AKAP6: variants seen among roughly 807,000 people sequenced by gnomAD.
AKAP6 encodes the protein A-kinase anchor protein 6.
Under a neutral mutation model 188.5 loss-of-function variants are expected in AKAP6, and 58 were observed. The observed-to-expected ratio is 0.31, with a 90% CI of 0.25 to 0.38. AKAP6 has a LOEUF of 0.38. AKAP6 is among the 10% of genes least tolerant of loss of function. The probability of loss-of-function intolerance (pLI) is 1.00; values close to 1 mark genes in which losing one functional copy is unlikely to be tolerated. For synonymous variants in AKAP6, 989 were observed against 998.6 expected, an observed-to-expected ratio of 0.99 and a Z score of 0.18; for missense variants, 2,710 against 2,740.0, an observed-to-expected ratio of 0.99 and a Z score of 0.24.
At position 32,546,086 on chromosome 14, in the gene AKAP6, T is replaced by C. The variant is rs767331736; in HGVS notation, c.1433T>C (p.Ile478Thr). ...ACAGTCAAATTTCACATTAAAGAAA[T>C]TTCTTCCAGCCTGGGAAGGCTTAAC... ...ENTVKFHIKEISSSLGRLNDC... is the reference protein window; with the variant it reads ...ENTVKFHIKETSSSLGRLNDC... The change falls in exon 4 of 14, where the codon ATT becomes ACT. Residue 478 changes from isoleucine (I) to threonine (T), a missense_variant. By Grantham distance (89) the Ile-to-Thr change is moderately conservative. Coordinates refer to ENST00000280979, the MANE Select transcript of AKAP6 (RefSeq NM_004274.5). The C allele has an allele frequency of 1.9e-6, 3 of 1,614,080 alleles. No individual in the cohort carries two copies. The highest frequency in any genetic ancestry group is 1.1e-5 in the South Asian group (1 of 91,084).
chr14:32,480,484 G>T (rs1402134293), intron 2 of AKAP6, among the ~76,000 whole-genome samples: 1 of 152,168 alleles, frequency 6.6e-6, no homozygotes, highest in Non-Finnish European at 1.5e-5. Flanking sequence ...TTCATGGTCA[G>T]TTATGTGCTC....
intron 2 of AKAP6, among the ~76,000 whole-genome samples, chr14:32,502,363 A>G (rs1880648933): frequency 6.6e-6 from 1 of 152,146 alleles, no homozygotes; most frequent in Admixed American, 6.6e-5. Flanking sequence ...GTGTCCATCA[A>G]GAGCAGCTTT....
intron 7 of AKAP6, among the ~76,000 whole-genome samples, chr14:32,653,703 A>G (rs575168378): frequency 6.6e-6 from 1 of 152,340 alleles, no homozygotes; most frequent in African/African-American, 2.4e-5. Context: ...TAAAAAGGGA[A>G]TAATAATAAT....
At chr14:32,820,116 C>G (rs2034481644) in intron 12 of AKAP6, among the ~76,000 whole-genome samples, 1 of 152,080 alleles carries the variant, frequency 6.6e-6, no homozygotes, top group African/African-American at 2.4e-5. Context: ...TATTAAGCAG[C>G]TTGTCCAAGG....
In AKAP6 at chr14:32,735,668, G is replaced by T. The variant is rs1269397571; in HGVS notation, c.3158G>T (p.Gly1053Val). 8.2e-6 allele frequency: 13 copies of T among 1,589,596 alleles called. No homozygotes were observed. The highest frequency in any genetic ancestry group is 1.1e-5 in the Non-Finnish European group (13 of 1,171,320). Residue 1053 changes from glycine to valine, a missense_variant, in exon 11 of 14, where the codon GGA becomes GTA. This residue lies in a region of AKAP6 where 2,473 missense variants were observed against 2,426.1 expected (regional missense o/e 1.02). Transcript: ENST00000280979. ...EKWELLGKTL[G>V]EKIQDTMAGH... is the part of the protein sequence containing the mutation. ...AATCTGATGCATTAGAAAACCCTAGGAGAGAAGATCCAGGACACAATGGCA... is the reference window on the plus strand; with the variant it reads ...AATCTGATGCATTAGAAAACCCTAGTAGAGAAGATCCAGGACACAATGGCA...
chr14:32,392,370 T>A (rs1412261069), intron 1 of AKAP6, among the ~76,000 whole-genome samples: 2 of 152,104 alleles, frequency 1.3e-5, no homozygotes, highest in African/African-American at 4.8e-5. Flanking sequence ...ATGACCTCTG[T>A]GATGGATTAG....
intron 9 of AKAP6, among the ~76,000 whole-genome samples, chr14:32,698,266 A>G (rs1166283040): frequency 1.3e-5 from 2 of 152,132 alleles, no homozygotes; most frequent in South Asian, 2.1e-4. Context: ...AGGTTAAGTC[A>G]ACATTTTCAA....
Position 32,824,152 on chromosome 14 carries a change from A to G in AKAP6, c.6339A>G (p.Leu2113=), listed in dbSNP as rs1416504424. The part of the protein sequence containing the change: ...QLRKGDFYSY[L]SLSSHDSDCG... ...GAAAAGGGGACTTTTATTCGTACTT[A>G]TCTCTCTCATCTCATGACAGTGATT... The change falls in exon 13 of 14, where the codon TTA becomes TTG. Residue 2113 remains leucine, a synonymous_variant. Coordinates refer to ENST00000280979, the MANE Select transcript of AKAP6 (RefSeq NM_004274.5). 2 of 1,613,980 alleles carry G rather than the reference A, an allele frequency of 1.2e-6. No individual in the cohort carries two copies. Among genetic ancestry groups the G allele is most frequent in the Non-Finnish European group, 1.7e-6 (2 of 1,179,910 alleles).
At chr14:32,701,330 C>T (rs1890612887) in intron 9 of AKAP6, among the ~76,000 whole-genome samples, 2 of 152,038 alleles carry the variant, frequency 1.3e-5, no homozygotes, top group Non-Finnish European at 2.9e-5. Context: ...AACATGATCC[C>T]AATGTTATAT....
chr14:32,569,555 A>C (rs1041171729), intron 4 of AKAP6, among the ~76,000 whole-genome samples: 6 of 152,276 alleles, frequency 3.9e-5, no homozygotes, highest in Admixed American at 2.0e-4. Flanking sequence ...TTAAGTATAT[A>C]GTTAGTTGGT....
At chr14:32,706,514 C>T (rs1323494055) in intron 9 of AKAP6, among the ~76,000 whole-genome samples, 3 of 152,026 alleles carry the variant, frequency 2.0e-5, no homozygotes, top group Admixed American at 1.3e-4. Context: ...TCCTGGATCC[C>T]GTTATGCCAA....
chr14:32,595,511 A>G (rs1289259217), intron 5 of AKAP6, among the ~76,000 whole-genome samples: 1 of 149,962 alleles, frequency 6.7e-6, no homozygotes, highest in African/African-American at 2.5e-5. Flanking sequence ...TCTTGTTTGT[A>G]TTTTATTTTA....
chr14:32,545,253 A>G lies in AKAP6; in HGVS notation c.600A>G (p.Glu200=), dbSNP rs768128356. The change falls in exon 4 of 14, where the codon GAA becomes GAG. Residue 200 remains glutamate, a synonymous_variant. Transcript: ENST00000280979. Reference sequence around the variant, plus strand: ...AGGGCCGGCTTGATTCTCTAACAGAAGTGGATGACTCAGGACAATTAACCA... The same window carrying G: ...AGGGCCGGCTTGATTCTCTAACAGAGGTGGATGACTCAGGACAATTAACCA... The part of the protein sequence containing the change: ...TKEGRLDSLT[E]VDDSGQLTIK... 30 of 1,613,380 alleles carry G rather than the reference A, an allele frequency of 1.9e-5. No homozygotes were observed. Among genetic ancestry groups the G allele is most frequent in the Non-Finnish European group, 2.5e-5 (30 of 1,179,508 alleles).
At chr14:32,491,255 G>T (rs1272022129) in intron 2 of AKAP6, among the ~76,000 whole-genome samples, 1 of 152,120 alleles carries the variant, frequency 6.6e-6, no homozygotes, top group Admixed American at 6.5e-5. Context: ...TGTCCAACTG[G>T]TTACCAAATT....
intron 1 of AKAP6, among the ~76,000 whole-genome samples, chr14:32,398,339 C>A (rs1888946554): frequency 6.6e-6 from 1 of 152,142 alleles, no homozygotes; most frequent in Non-Finnish European, 1.5e-5. Context: ...CTGTTTAAAC[C>A]AGGTGTTTAT....
intron 11 of AKAP6, among the ~76,000 whole-genome samples, chr14:32,741,676 A>G (rs2031680454): frequency 1.3e-5 from 2 of 151,826 alleles, no homozygotes; most frequent in African/African-American, 4.8e-5. Flanking sequence ...ATTGATTTGC[A>G]TATGTTGAAC....
intron 9 of AKAP6, among the ~76,000 whole-genome samples, chr14:32,731,181 T>C (rs1416615912): frequency 6.6e-6 from 1 of 152,208 alleles, no homozygotes; most frequent in Non-Finnish European, 1.5e-5. Context: ...ATACAAGTGA[T>C]GTGCATGTTT....
chr14:32,563,704 T>C (rs1884062321), intron 4 of AKAP6, among the ~76,000 whole-genome samples: 1 of 152,178 alleles, frequency 6.6e-6, no homozygotes, highest in South Asian at 2.1e-4. Context: ...TGCACCCTCT[T>C]CTCTGTAAGA....
chr14:32,545,755 A>G lies in AKAP6; in HGVS notation c.1102A>G (p.Thr368Ala). 1.9e-6 allele frequency: 3 copies of G among 1,614,124 alleles called. No individual in the cohort carries two copies. Among genetic ancestry groups the G allele is most frequent in the Non-Finnish European group, 2.5e-6 (3 of 1,180,028 alleles). ...NQQPVPCENA[T>A]PKRTIRDCFN... ...GCAGCCTGTTCCTTGTGAAAATGCA[A>G]CCCCCAAACGAACCATCAGAGATTG... The change falls in exon 4 of 14, where the codon ACC becomes GCC. Residue 368 changes from threonine (T) to alanine (A), a missense_variant. By Grantham distance (58) the Thr-to-Ala change is moderately conservative. Around this residue, in one of 2 missense-constraint regions of AKAP6, gnomAD observed 2,473 missense variants for 2,426.1 expected, o/e 1.02. Transcript: ENST00000280979.
Sources: allele counts gnomAD v4.1 joint callset (sites outside exome capture counted in the v4.1 genomes callset), GRCh38; gene constraint gnomAD v4.1.1; regional missense constraint gnomAD v4.1.1; transcripts MANE v1.5; gene names NCBI Gene and HGNC (gene_info 2026-07-23, HGNC 2026-07-21).